OXR1: variants seen among roughly 807,000 people sequenced by gnomAD.
OXR1 encodes the protein oxidation resistance protein 1.
A neutral mutation model predicts 104.6 loss-of-function variants in OXR1; 41 were observed. That is an observed-to-expected ratio of 0.39 (90% CI 0.31 to 0.51). OXR1 has a LOEUF of 0.51. OXR1 is among the 20% of genes least tolerant of loss of function. The probability of loss-of-function intolerance (pLI) is 0.77; values close to 1 mark genes in which losing one functional copy is unlikely to be tolerated. For missense variants in OXR1, 955 were observed against 1,031.9 expected, an observed-to-expected ratio of 0.93 and a Z score of 1.02; for synonymous variants, 348 against 348.4, an observed-to-expected ratio of 1.00 and a Z score of 0.01.
intron 2 of OXR1, among the ~76,000 whole-genome samples, chr8:106,384,666 G>T (rs1817294785): frequency 6.6e-6 from 1 of 151,458 alleles, no homozygotes; most frequent in Non-Finnish European, 1.5e-5. Context: ...AGTTATCTAG[G>T]TACTAAGGAT....
At chr8:106,385,636 G>C (rs1383667002) in intron 2 of OXR1, among the ~76,000 whole-genome samples, 1 of 152,118 alleles carries the variant, frequency 6.6e-6, no homozygotes, top group Non-Finnish European at 1.5e-5. Context: ...ACCGTCCAAG[G>C]TCACGCAGGT....
chr8:106,632,836 G>A (rs1010350014), intron 3 of OXR1, among the ~76,000 whole-genome samples: 3 of 152,190 alleles, frequency 2.0e-5, no homozygotes, highest in Non-Finnish European at 4.4e-5. Context: ...CTATTCAGGA[G>A]GCTGAGGTGG....
At chr8:106,665,254 A>G (rs1011850495) in intron 3 of OXR1, among the ~76,000 whole-genome samples, 3 of 152,212 alleles carry the variant, frequency 2.0e-5, no homozygotes, top group Middle Eastern at 3.4e-3. Context: ...CAGTTTAAAC[A>G]CACTAATTAA....
At chr8:106,478,186 G>C (rs745349552) in intron 2 of OXR1, among the ~76,000 whole-genome samples, 1 of 151,770 alleles carries the variant, frequency 6.6e-6, no homozygotes. Flanking sequence ...TATTATCAGT[G>C]TGCGAATTTT....
At chr8:106,536,604 A>C (rs1024470249) in intron 3 of OXR1, among the ~76,000 whole-genome samples, 15 of 152,330 alleles carry the variant, frequency 9.8e-5, no homozygotes, top group African/African-American at 3.4e-4. Flanking sequence ...CAATCTCGCC[A>C]GCCATTTTAT....
chr8:106,616,971 GCTGT>G (rs1303905564), intron 3 of OXR1, among the ~76,000 whole-genome samples: 3 of 152,142 alleles, frequency 2.0e-5, no homozygotes, highest in Non-Finnish European at 2.9e-5. Context: ...TCAGTGAGTT[GCTGT>G]TGAAGGGTCT....
intron 2 of OXR1, among the ~76,000 whole-genome samples, chr8:106,505,434 TCCCCATCAGAGTG>T (rs1461697659): frequency 1.3e-5 from 2 of 152,148 alleles, no homozygotes; most frequent in Admixed American, 6.5e-5. Context: ...TAAAAGACAC[TCCCCATCAGAGTG>T]TCTAATGAAA....
chr8:106,312,668 G>T lies in OXR1; in HGVS notation c.-139+42301G>T, dbSNP rs541652948. On this transcript the variant is annotated intron_variant, in intron 1 of 16. Coordinates refer to ENST00000517566, the MANE Select transcript of OXR1 (RefSeq NM_001198533.2). Reference sequence around the variant, plus strand: ...ATGACTCAGGTTGTTGCACCTATATGAATTAAGTCTTATGGTGTTACTTGT... The same window carrying T: ...ATGACTCAGGTTGTTGCACCTATATTAATTAAGTCTTATGGTGTTACTTGT... Among the ~76,000 whole-genome samples, 13 of 152,286 alleles carry T rather than the reference G, an allele frequency of 8.5e-5. No individual in the cohort carries two copies. In the South Asian group the frequency reaches 2.7e-3, roughly 32 times the overall value.
chr8:106,720,750 C>T, intron 11 of OXR1: 1 of 939,742 alleles, frequency 1.1e-6, no homozygotes, highest in Non-Finnish European at 1.3e-6. Context: ...GGCTGTAAGT[C>T]AATGATCTTT....
intron 1 of OXR1, among the ~76,000 whole-genome samples, chr8:106,320,136 C>T (rs1291369098): frequency 3.3e-5 from 5 of 152,136 alleles, no homozygotes; most frequent in African/African-American, 1.2e-4. Context: ...ATTCTGAAGT[C>T]GTATCTAAGT....
At chr8:106,687,913 T>G (rs2131267469) in intron 6 of OXR1, among the ~76,000 whole-genome samples, 1 of 152,206 alleles carries the variant, frequency 6.6e-6, no homozygotes, top group South Asian at 2.1e-4. Flanking sequence ...TATTACTACT[T>G]TATAGCTGGA....
At chr8:106,647,731 C>A (rs995928628) in intron 3 of OXR1, among the ~76,000 whole-genome samples, 1 of 152,184 alleles carries the variant, frequency 6.6e-6, no homozygotes, top group South Asian at 2.1e-4. Flanking sequence ...TGGCCTCAAG[C>A]GATCCTCTGG....
At chr8:106,544,796 AT>A (rs902554630) in intron 3 of OXR1, among the ~76,000 whole-genome samples, 47 of 152,074 alleles carry the variant, frequency 3.1e-4, no homozygotes, top group Admixed American at 1.3e-3. Flanking sequence ...TATTTAATTA[AT>A]TTTTTTTGTG....
At chr8:106,715,272 A>T (rs1196678143) in intron 11 of OXR1, among the ~76,000 whole-genome samples, 2 of 151,866 alleles carry the variant, frequency 1.3e-5, no homozygotes, top group South Asian at 2.1e-4. Context: ...TCAGAAATCC[A>T]TCACACTACT....
intron 1 of OXR1, among the ~76,000 whole-genome samples, chr8:106,294,395 CAAAAA>C (rs1200997871): frequency 9.9e-5 from 7 of 70,388 alleles, no homozygotes; most frequent in African/African-American, 4.4e-4. Context: ...GACTCTGTCT[CAAAAA>C]AAAAAAAAAA....
intron 2 of OXR1, among the ~76,000 whole-genome samples, chr8:106,368,152 A>G (rs894147992): frequency 2.0e-5 from 3 of 152,158 alleles, no homozygotes; most frequent in Non-Finnish European, 4.4e-5. Flanking sequence ...TCTTGACATG[A>G]TCTGATTTCT....
chr8:106,302,815 C>G (rs1309993267), intron 1 of OXR1, among the ~76,000 whole-genome samples: 3 of 151,324 alleles, frequency 2.0e-5, no homozygotes, highest in East Asian at 4.0e-4. Flanking sequence ...ACAGTGGCGC[C>G]ATCTCGGCTC....
At chr8:106,281,281 C>G (rs1812268100) in intron 1 of OXR1, among the ~76,000 whole-genome samples, 1 of 152,138 alleles carries the variant, frequency 6.6e-6, no homozygotes, top group Non-Finnish European at 1.5e-5. Flanking sequence ...CAGCTGCGTT[C>G]ATAATTGCTC....
intron 3 of OXR1, among the ~76,000 whole-genome samples, chr8:106,600,524 G>A (rs1819895922): frequency 6.6e-6 from 1 of 152,178 alleles, no homozygotes; most frequent in Non-Finnish European, 1.5e-5. Context: ...GGTAGTGATG[G>A]TAGTATCTTT....
Sources: gnomAD v4.1 joint callset for allele counts (sites outside exome capture counted in the v4.1 genomes callset) on GRCh38, gnomAD v4.1.1 for gene constraint, MANE v1.5 for transcripts, NCBI Gene and HGNC (gene_info 2026-07-23, HGNC 2026-07-21) for gene names.